RIMBP2: variants seen among roughly 807,000 people sequenced by gnomAD.
RIMBP2 encodes the protein RIMS binding protein 2.
In RIMBP2, 48 loss-of-function variants were observed where a neutral mutation model predicts 118.6. The ratio of observed to expected loss-of-function variants is 0.40; its 90% CI spans 0.32 to 0.51. The LOEUF is 0.51. Among genes scored for constraint, RIMBP2 ranks in the 20% least tolerant of loss-of-function variants. RIMBP2 has a pLI of 0.41. For synonymous variants in RIMBP2, 762 were observed against 742.9 expected (o/e 1.03, Z -0.42); for missense variants, 1,551 against 1,768.3 (o/e 0.88, Z 2.20).
chr12:130,463,904 A>G (rs2080226405), intron 6 of RIMBP2, among the ~76,000 whole-genome samples: 1 of 151,690 alleles, frequency 6.6e-6, no homozygotes, highest in African/African-American at 2.4e-5. Context: ...CAAGATGGCA[A>G]AGAGAGTGAC....
intron 4 of RIMBP2, among the ~76,000 whole-genome samples, chr12:130,479,609 G>A (rs12319062): frequency 7.9e-6 from 1 of 126,728 alleles, no homozygotes; most frequent in Non-Finnish European, 1.5e-5. Flanking sequence ...GAGCTTCCCG[G>A]CCTCGGGCCG....
At chr12:130,452,553 C>G (rs1456137113) in intron 7 of RIMBP2, among the ~76,000 whole-genome samples, 1 of 152,272 alleles carries the variant, frequency 6.6e-6, no homozygotes, top group Non-Finnish European at 1.5e-5. Flanking sequence ...GACAGCAGAG[C>G]CTGCTGCAGG....
chr12:130,516,705 C>A (rs1389586972), intron 3 of RIMBP2, among the ~76,000 whole-genome samples: 5 of 152,088 alleles, frequency 3.3e-5, no homozygotes, highest in Admixed American at 3.3e-4. Flanking sequence ...CTTAGGGATC[C>A]AAGGAACAAA....
chr12:130,583,588 T>TGA (rs2058619695), intron 2 of RIMBP2, among the ~76,000 whole-genome samples: 1 of 149,714 alleles, frequency 6.7e-6, no homozygotes. Context: ...CACCGTTTCA[T>TGA]CATCATCATT....
At chr12:130,397,651 G>A (rs2074164732) in intron 22 of RIMBP2, 102 bp from the exon 23 acceptor site, 1 of 382,118 alleles carries the variant, frequency 2.6e-6, no homozygotes, top group African/African-American at 2.1e-5. Flanking sequence ...GAAAGGTCAG[G>A]GGGGTTCATT....
chr12:130,404,895 A>G (rs2075015702), intron 21 of RIMBP2, among the ~76,000 whole-genome samples: 1 of 152,178 alleles, frequency 6.6e-6, no homozygotes, highest in Non-Finnish European at 1.5e-5. Context: ...TCTAAGTATT[A>G]AATTCCTATT....
At chr12:130,493,132 G>A (rs369579134) in intron 4 of RIMBP2, among the ~76,000 whole-genome samples, 2 of 151,858 alleles carry the variant, frequency 1.3e-5, no homozygotes, top group South Asian at 4.2e-4. Context: ...TGAGATCGTA[G>A]CTCAAAAAAC....
chr12:130,643,962 C>T (rs1036152738), intron 1 of RIMBP2, among the ~76,000 whole-genome samples: 4 of 152,150 alleles, frequency 2.6e-5, no homozygotes, highest in Admixed American at 6.5e-5. Context: ...AGCAGTGAAG[C>T]GGAGGTGGCC....
chr12:130,506,522 C>G, intron 4 of RIMBP2, 126 bp downstream of exon 4: 1 of 641,962 alleles, frequency 1.6e-6, no homozygotes, highest in Non-Finnish European at 1.9e-6. Flanking sequence ...CCCAACATCT[C>G]TGAATGTGGA....
intron 2 of RIMBP2, among the ~76,000 whole-genome samples, chr12:130,592,347 T>G (rs182292451): frequency 5.0e-4 from 76 of 152,168 alleles, no homozygotes; most frequent in Middle Eastern, 3.2e-3. Context: ...GTCTCTTTTC[T>G]GTTTTGACAG....
intron 2 of RIMBP2, among the ~76,000 whole-genome samples, chr12:130,537,105 T>C (rs1379513234): frequency 6.6e-6 from 1 of 152,180 alleles, no homozygotes; most frequent in African/African-American, 2.4e-5. Context: ...GAGGGCCAGA[T>C]GCAGTGTGGT....
In RIMBP2 at chr12:130,593,410, G is replaced by GA. The variant is rs145739350; in HGVS notation, c.-217+34911dup. ...GGGAAGACGCTTGAGAAACACTCCT[G>GA]AACCTACGAATTGAGAGACCAATCT... On this transcript the variant is annotated intron_variant, in intron 2 of 22. Coordinates refer to ENST00000690449, the MANE Select transcript of RIMBP2 (RefSeq NM_001393629.1). 9.0e-3 allele frequency among the ~76,000 whole-genome samples: 1,370 copies of GA among 152,374 alleles called. 20 individuals are homozygous for GA. The highest frequency in any genetic ancestry group is 0.031 in the African/African-American group (1,309 of 41,590).
In RIMBP2 at chr12:130,424,242, T is replaced by C; in HGVS notation, c.3029A>G (p.Gln1010Arg). Residue 1010 changes from glutamine (Q) to arginine (R), a missense_variant, in exon 16 of 23, where the codon CAA becomes CGA. Gln to Arg is a conservative substitution (Grantham distance 43). Coordinates refer to ENST00000690449, the MANE Select transcript of RIMBP2 (RefSeq NM_001393629.1). The surrounding 1 kb of genome is among the most constrained non-coding windows in gnomAD (Gnocchi z 9.8). ...TTTCTTCCAGACACCCCGAAAATCT[T>C]GGTGCTCGGTGGGCTCGCCCCAGCC... The part of the protein sequence containing the change: ...KHGWGEPTEH[Q>R]DFRGVWKKSI... The C allele has an allele frequency of 8.1e-7, 1 of 1,231,904 alleles. No homozygotes were observed. 76.3% of individuals were successfully genotyped at this position (1,231,904 alleles called of 1,614,324 possible).
chr12:130,477,189 C>G (rs770190254), intron 5 of RIMBP2, among the ~76,000 whole-genome samples: 7 of 152,198 alleles, frequency 4.6e-5, no homozygotes, highest in Non-Finnish European at 1.0e-4. Context: ...GAGAACTGGA[C>G]AGCACACAGA....
At chr12:130,650,501 C>T (rs1008518168) in intron 1 of RIMBP2, among the ~76,000 whole-genome samples, 1 of 152,252 alleles carries the variant, frequency 6.6e-6, no homozygotes, top group African/African-American at 2.4e-5. Context: ...TGCCATAGGG[C>T]GTGACCCAGT....
rs1023860338 is a variant in RIMBP2, at chr12:130,549,666, T to C, written c.-216-31749A>G. 3.3e-5 allele frequency among the ~76,000 whole-genome samples: 5 copies of C among 152,320 alleles called. No individual in the cohort carries two copies. The East Asian group carries it at 9.7e-4, about 29-fold the overall frequency. On this transcript the variant is annotated intron_variant, in intron 2 of 22. Transcript: ENST00000690449. ...GGATAATGGCCTCCAGCTCCTTCCA[T>C]GTTTCCACAAAAGGCATAATCTCAT...
Position 130,446,476 on chromosome 12 carries a change from G to A in RIMBP2, c.582-1207C>T, listed in dbSNP as rs922481249. On this transcript the variant is annotated intron_variant, in intron 9 of 22. Coordinates refer to ENST00000690449, the MANE Select transcript of RIMBP2 (RefSeq NM_001393629.1). The surrounding 1 kb of genome is among the most constrained non-coding windows in gnomAD (Gnocchi z 4.1). The stretch of plus-strand genomic sequence containing the variant: ...GCTGAGACCTCCTGACCCGTCCTGC[G>A]CAGTTTTAACCACACCAGGTCACGT... Among the ~76,000 whole-genome samples, 3 of 152,306 alleles carry A rather than the reference G, an allele frequency of 2.0e-5. No individual in the cohort carries two copies. Among genetic ancestry groups the A allele is most frequent in the South Asian group, 2.1e-4 (1 of 4,830 alleles).
At chr12:130,662,811 C>T (rs938042692) in intron 1 of RIMBP2, among the ~76,000 whole-genome samples, 1 of 152,056 alleles carries the variant, frequency 6.6e-6, no homozygotes, top group Admixed American at 6.5e-5. Context: ...GAAAAAATAG[C>T]TGGGTGTGGC....
At chr12:130,456,728 C>T (rs1330898732) in intron 6 of RIMBP2, 28 bp from the exon 7 acceptor site, 1 of 1,558,416 alleles carries the variant, frequency 6.4e-7, no homozygotes, top group Non-Finnish European at 8.8e-7. Flanking sequence ...GACAGGGGGT[C>T]AGCGGTGGCA....
Sources: allele counts gnomAD v4.1 joint callset (sites outside exome capture counted in the v4.1 genomes callset), GRCh38; gene constraint gnomAD v4.1.1; non-coding constraint Gnocchi (gnomAD v3.1); transcripts MANE v1.5; gene names NCBI Gene and HGNC (gene_info 2026-07-23, HGNC 2026-07-21).